The following DYNC1I1 variants were observed in gnomAD, a reference collection of about 807,000 sequenced individuals.
The protein encoded by DYNC1I1 is dynein cytoplasmic 1 intermediate chain 1.
A neutral mutation model predicts 86.6 loss-of-function variants in DYNC1I1; 43 were observed. The ratio of observed to expected loss-of-function variants is 0.50; its 90% confidence interval spans 0.39 to 0.64. DYNC1I1 has a LOEUF of 0.64. Ranked by LOEUF, DYNC1I1 falls within the 30% of genes least tolerant of loss-of-function variation. The pLI is 0.00. For synonymous variants in DYNC1I1, 262 were observed against 283.7 expected (o/e 0.92, Z 0.77); for missense variants, 604 against 788.8 (o/e 0.77, Z 2.81).
chr7:95,876,393 A>T (rs1790309701), intron 6 of DYNC1I1, among the ~76,000 whole-genome samples: 1 of 152,170 alleles, frequency 6.6e-6, no homozygotes, highest in South Asian at 2.1e-4. Flanking sequence ...GTAAGGAAAA[A>T]AACTGGAATA....
chr7:95,849,398 G>A (rs899386909), intron 5 of DYNC1I1, among the ~76,000 whole-genome samples: 4 of 152,020 alleles, frequency 2.6e-5, no homozygotes, highest in Admixed American at 6.6e-5. Flanking sequence ...TTTGGATATG[G>A]TGTAAGATAA....
intron 6 of DYNC1I1, among the ~76,000 whole-genome samples, chr7:95,963,883 G>A (rs1010071753): frequency 1.3e-5 from 2 of 152,166 alleles, no homozygotes; most frequent in African/African-American, 2.4e-5. Context: ...ACTGAGAGTT[G>A]TACTTAGTCC....
intron 1 of DYNC1I1, among the ~76,000 whole-genome samples, chr7:95,801,297 G>A (rs1794572296): frequency 1.3e-5 from 2 of 152,088 alleles, no homozygotes; most frequent in Admixed American, 6.5e-5. Flanking sequence ...CTCCGGCTGG[G>A]AATTCCAACT....
intron 6 of DYNC1I1, among the ~76,000 whole-genome samples, chr7:95,881,600 A>G (rs932885815): frequency 1.2e-4 from 18 of 152,178 alleles, no homozygotes; most frequent in African/African-American, 3.9e-4. Context: ...GTAGTGTGAC[A>G]TTTGTTTTCT....
chr7:96,084,539 T>C (rs42074), intron 16 of DYNC1I1, among the ~76,000 whole-genome samples: 125,613 of 150,164 alleles, frequency 0.84, 52,664 homozygotes, highest in Middle Eastern at 0.91. Context: ...TCTCCTGCCT[T>C]AGCCTCCTAA....
At chr7:95,838,175 TTA>T (rs1280634120) in intron 5 of DYNC1I1, among the ~76,000 whole-genome samples, 11 of 152,224 alleles carry the variant, frequency 7.2e-5, no homozygotes, top group African/African-American at 2.7e-4. Flanking sequence ...GGTCTTACAT[TTA>T]TATCTTTTAT....
At chr7:95,774,670 C>T (rs950271318) in intron 1 of DYNC1I1, among the ~76,000 whole-genome samples, 3 of 152,118 alleles carry the variant, frequency 2.0e-5, no homozygotes, top group African/African-American at 4.8e-5. Context: ...TTCCCAATCC[C>T]TCTGCTTCCA....
At position 95,952,719 on chromosome 7, in the gene DYNC1I1, T is replaced by G. The variant is rs115787742; in HGVS notation, c.491-24793T>G. ...TGTTTAAATGGAGATATAAAATTTG[T>G]AGGTGCTACATAATATGCTTAAAAA... is the stretch of plus-strand genomic sequence containing the variant. On this transcript the variant is annotated intron_variant, in intron 6 of 16. Coordinates refer to ENST00000447467, the MANE Select transcript of DYNC1I1 (RefSeq NM_001135556.2). Among the ~76,000 whole-genome samples, 1,246 of 152,284 alleles carry G rather than the reference T, an allele frequency of 8.2e-3. 14 individuals carry two copies. Among genetic ancestry groups the G allele is most frequent in the African/African-American group, 0.029 (1,190 of 41,544 alleles).
chr7:95,904,627 GTA>G lies in DYNC1I1; in HGVS notation c.490+34642_490+34643del, dbSNP rs3047717. 4.4e-3 allele frequency among the ~76,000 whole-genome samples: 662 copies of G among 150,570 alleles called. 5 individuals are homozygous for G. The highest frequency in any genetic ancestry group is 0.015 in the African/African-American group (637 of 41,144). On this transcript the variant is annotated intron_variant, in intron 6 of 16. Transcript: ENST00000447467. ...TATGTATGTATACATATGTGTGTAT[GTA>G]TATATATATATACACATATACACAT...
chr7:96,019,115 A>G (rs1200987657), intron 10 of DYNC1I1, among the ~76,000 whole-genome samples: 4 of 152,176 alleles, frequency 2.6e-5, no homozygotes, highest in Non-Finnish European at 5.9e-5. Context: ...TTTGTTTGAT[A>G]TGTATACATT....
At chr7:96,013,576 C>T (rs528498642) in intron 10 of DYNC1I1, among the ~76,000 whole-genome samples, 4 of 152,128 alleles carry the variant, frequency 2.6e-5, no homozygotes, top group East Asian at 1.9e-4. Flanking sequence ...CTCTTGCCTC[C>T]GTCTCCCAGG....
intron 5 of DYNC1I1, among the ~76,000 whole-genome samples, chr7:95,868,991 A>G (rs1215173890): frequency 1.3e-5 from 2 of 152,194 alleles, no homozygotes; most frequent in African/African-American, 2.4e-5. Flanking sequence ...AGAACTCACC[A>G]GTAAGAACCT....
intron 6 of DYNC1I1, among the ~76,000 whole-genome samples, chr7:95,961,614 A>C (rs1311571559): frequency 6.6e-6 from 1 of 152,162 alleles, no homozygotes; most frequent in African/African-American, 2.4e-5. Flanking sequence ...GTATAGTAGG[A>C]GGTAATATTT....
chr7:95,832,439 G>A (rs1199268292), intron 5 of DYNC1I1, among the ~76,000 whole-genome samples: 1 of 151,742 alleles, frequency 6.6e-6, no homozygotes, highest in East Asian at 1.9e-4. Context: ...ACGTGTGCAT[G>A]TGTCTTTATA....
At chr7:95,784,406 G>A (rs1794074176) in intron 1 of DYNC1I1, among the ~76,000 whole-genome samples, 1 of 152,124 alleles carries the variant, frequency 6.6e-6, no homozygotes, top group Non-Finnish European at 1.5e-5. Flanking sequence ...AAGGACTGAC[G>A]AGCTAGAGTC....
chr7:95,852,796 G>A (rs866097286), intron 5 of DYNC1I1, among the ~76,000 whole-genome samples: 14 of 152,222 alleles, frequency 9.2e-5, no homozygotes, highest in Middle Eastern at 6.8e-3. Context: ...GTGAGCCACC[G>A]CACCCGGTGT....
intron 12 of DYNC1I1, among the ~76,000 whole-genome samples, 181 bp from the exon 13 acceptor site, chr7:96,035,438 C>A (rs1037593879): frequency 6.6e-6 from 1 of 152,092 alleles, no homozygotes; most frequent in African/African-American, 2.4e-5. Context: ...CGGCTTGAAA[C>A]CAGAGATCCA....
intron 6 of DYNC1I1, among the ~76,000 whole-genome samples, chr7:95,899,508 A>C (rs749834875): frequency 7.9e-5 from 12 of 152,200 alleles, no homozygotes; most frequent in Non-Finnish European, 1.3e-4. Flanking sequence ...CCAGATGGCC[A>C]GGTCTGATGT....
chr7:95,954,256 A>G (rs899199744), intron 6 of DYNC1I1, among the ~76,000 whole-genome samples: 6 of 151,090 alleles, frequency 4.0e-5, no homozygotes. Context: ...ATAATTAGCT[A>G]GATCCACACT....
Sources: allele counts gnomAD v4.1 joint callset (sites outside exome capture counted in the v4.1 genomes callset), GRCh38; gene constraint gnomAD v4.1.1; transcripts MANE v1.5; gene names NCBI Gene and HGNC (gene_info 2026-07-23, HGNC 2026-07-21).